The following METAP1D variants were observed in gnomAD, a reference collection of about 807,000 sequenced individuals.
The protein encoded by METAP1D is methionyl aminopeptidase type 1D, mitochondrial, also known as methionine aminopeptidase 1D, mitochondrial.
Under a neutral mutation model 40.5 loss-of-function variants are expected in METAP1D, and 31 were observed. The ratio of observed to expected loss-of-function variants is 0.77; its 90% CI spans 0.58 to 1.03. The LOEUF (loss-of-function observed/expected upper bound fraction) is 1.03. Among genes scored for constraint, METAP1D ranks in the 50% least tolerant of loss-of-function variants. The pLI, the probability that METAP1D is intolerant of heterozygous loss-of-function variation, is 0.00. For missense variants in METAP1D, 411 were observed against 420.7 expected (o/e 0.98, Z 0.20); for synonymous variants, 151 against 146.4 (o/e 1.03, Z -0.22).
intron 1 of METAP1D, among the ~76,000 whole-genome samples, chr2:172,021,307 A>G (rs1438062331): frequency 1.3e-5 from 2 of 152,232 alleles, no homozygotes; most frequent in Non-Finnish European, 2.9e-5. Flanking sequence ...GAACTAAGTA[A>G]GAGAAGCAGT....
intron 1 of METAP1D, among the ~76,000 whole-genome samples, chr2:172,045,819 G>GTATATATA (rs796640775): frequency 6.6e-4 from 10 of 15,178 alleles, no homozygotes; most frequent in African/African-American, 1.9e-3. Context: ...GTGTGTGTGT[G>GTATATATA]TATATATATA....
chr2:172,048,959 T>C (rs535223650), intron 1 of METAP1D, among the ~76,000 whole-genome samples: 1 of 152,320 alleles, frequency 6.6e-6, no homozygotes, highest in South Asian at 2.1e-4. Context: ...GGGGTGGTTT[T>C]AATTTTTAAC....
At chr2:172,034,619 TTAG>T (rs1689327409) in intron 1 of METAP1D, among the ~76,000 whole-genome samples, 1 of 152,234 alleles carries the variant, frequency 6.6e-6, no homozygotes, top group African/African-American at 2.4e-5. Flanking sequence ...CTTAGAAAAT[TTAG>T]TAGCTTTTTC....
chr2:172,044,456 G>A (rs1283364546), intron 1 of METAP1D, among the ~76,000 whole-genome samples: 3 of 129,186 alleles, frequency 2.3e-5, no homozygotes, highest in East Asian at 2.0e-4. Context: ...CTAGCTGGGC[G>A]TGGTGGCATG....
chr2:172,068,349 G>A (rs879581311), intron 5 of METAP1D, among the ~76,000 whole-genome samples: 10 of 151,932 alleles, frequency 6.6e-5, no homozygotes, highest in South Asian at 4.2e-4. Flanking sequence ...AGCTGAGATC[G>A]CGCCCCTGCA....
intron 1 of METAP1D, among the ~76,000 whole-genome samples, chr2:172,039,716 G>A (rs1304484153): frequency 1.3e-5 from 2 of 150,428 alleles, no homozygotes; most frequent in Non-Finnish European, 3.0e-5. Context: ...CGCCCAGGCT[G>A]GAGTGCAGGG....
rs117230306 is a variant in METAP1D, at chr2:172,000,217, A to G, written c.40+208A>G. ...AAATTTGTTCACTGATCACCCGCCT[A>G]GAACACGTCACCACGTGGCATCTTT... On this transcript the variant is annotated intron_variant, in intron 1 of 9. Coordinates refer to ENST00000315796, the MANE Select transcript of METAP1D (RefSeq NM_199227.3). 1.8e-4 allele frequency among the ~76,000 whole-genome samples: 28 copies of G among 152,368 alleles called. 1 individual carries two copies. The East Asian group carries it at 5.4e-3, about 29-fold the overall frequency.
At chr2:172,076,725 G>A (rs1034524659) in intron 6 of METAP1D, among the ~76,000 whole-genome samples, 7 of 152,246 alleles carry the variant, frequency 4.6e-5, no homozygotes, top group Non-Finnish European at 7.3e-5. Context: ...CTGGCTGAAA[G>A]CCTGTGGGTT....
chr2:172,070,150 G>A (rs1042410638), intron 5 of METAP1D, among the ~76,000 whole-genome samples: 1 of 152,036 alleles, frequency 6.6e-6, no homozygotes, highest in African/African-American at 2.4e-5. Context: ...TAATGAATCT[G>A]GTATCTTTCA....
chr2:172,040,348 A>G (rs180673525), intron 1 of METAP1D, among the ~76,000 whole-genome samples: 43 of 152,310 alleles, frequency 2.8e-4, no homozygotes, highest in Non-Finnish European at 4.1e-4. Context: ...CCCTTTCTCT[A>G]CTTTTACCTA....
intron 6 of METAP1D, among the ~76,000 whole-genome samples, chr2:172,076,030 G>A (rs76231223): frequency 6.6e-6 from 1 of 152,118 alleles, no homozygotes; most frequent in Non-Finnish European, 1.5e-5. Context: ...TTATGCAGAG[G>A]AACGAGAGGT....
chr2:172,061,651 C>T lies in METAP1D; in HGVS notation c.194C>T (p.Pro65Leu), dbSNP rs1189556395. The change falls in exon 2 of 10, where the codon CCT (proline) becomes CTT (leucine). Residue 65 changes from proline (P) to leucine (L), a missense_variant. Transcript: ENST00000315796. ...GCAGTTTCTTCAGCTCATCCGGTTCCTAAGGTACTGTATTGCCTATTATCT... is the reference window on the plus strand; with the variant it reads ...GCAGTTTCTTCAGCTCATCCGGTTCTTAAGGTACTGTATTGCCTATTATCT... ...PAAVSSAHPV[P>L]KHIKKPDYVT... 3 of 1,611,084 alleles carry T rather than the reference C, an allele frequency of 1.9e-6. No individual in the cohort carries two copies. The highest frequency in any genetic ancestry group is 2.5e-6 in the Non-Finnish European group (3 of 1,178,852).
intron 1 of METAP1D, among the ~76,000 whole-genome samples, chr2:172,004,758 T>G (rs1688539463): frequency 6.6e-6 from 1 of 152,240 alleles, no homozygotes; most frequent in African/African-American, 2.4e-5. Flanking sequence ...AATGGAGTTT[T>G]GCCGTATGAC....
chr2:172,023,040 T>G (rs1252628661), intron 1 of METAP1D, among the ~76,000 whole-genome samples: 1 of 152,090 alleles, frequency 6.6e-6, no homozygotes, highest in African/African-American at 2.4e-5. Flanking sequence ...TACAAAAAAT[T>G]AGCTGGGCGT....
chr2:172,071,691 T>A (rs1162259227), intron 6 of METAP1D, among the ~76,000 whole-genome samples: 1 of 152,218 alleles, frequency 6.6e-6, no homozygotes, highest in Non-Finnish European at 1.5e-5. Context: ...CTTTTCTTTA[T>A]AATCTGTTAC....
rs1233627099 is a variant in METAP1D, at chr2:172,020,281, G to A, written c.40+20272G>A. ...ATTACAGGCGTGAGCCACCGCGCCC[G>A]GCCTAACCTCAGTTTTAAGTGGTTT... On this transcript the variant is annotated intron_variant, in intron 1 of 9. Coordinates refer to ENST00000315796, the MANE Select transcript of METAP1D (RefSeq NM_199227.3). Among the ~76,000 whole-genome samples the A allele has an allele frequency of 8.5e-5, 13 of 152,248 alleles. No individual in the cohort carries two copies. The East Asian group carries it at 1.9e-3, about 23-fold the overall frequency.
chr2:172,061,835 A>G, intron 2 of METAP1D, 180 bp downstream of exon 2: 1 of 441,206 alleles, frequency 2.3e-6, no homozygotes. Context: ...TATAGCATTA[A>G]TTTTTTAAAA....
chr2:172,078,376 C>T (rs879426467), intron 7 of METAP1D, among the ~76,000 whole-genome samples: 2 of 152,202 alleles, frequency 1.3e-5, no homozygotes, highest in Admixed American at 1.3e-4. Flanking sequence ...TATGCCCACC[C>T]TTGTCTTCCT....
intron 1 of METAP1D, among the ~76,000 whole-genome samples, chr2:172,043,409 G>A (rs1046434972): frequency 3.0e-5 from 4 of 132,804 alleles, no homozygotes; most frequent in African/African-American, 1.0e-4. Context: ...TGGCAGTGAT[G>A]GAAAGCAAAG....
Sources: gnomAD v4.1 joint callset for allele counts (sites outside exome capture counted in the v4.1 genomes callset) on GRCh38, gnomAD v4.1.1 for gene constraint, MANE v1.5 for transcripts, NCBI Gene and HGNC (gene_info 2026-07-23, HGNC 2026-07-21) for gene names.